The following AKR1C8 variants were observed in gnomAD, a reference collection of about 807,000 sequenced individuals.
AKR1C8 encodes aldo-keto reductase family 1 member C-like protein 1.
At chr10:5,162,420 A>T in the AKR1C8 span, among the ~76,000 whole-genome samples, 3 of 152,238 alleles carry the variant, frequency 2.0e-5, no homozygotes, top group Non-Finnish European at 4.4e-5. Context: ...CTCTGTTTAC[A>T]TATGAAGCAT....
chr10:5,137,683 G>GC, the AKR1C8 span, among the ~76,000 whole-genome samples: 3 of 152,056 alleles, frequency 2.0e-5, no homozygotes, highest in African/African-American at 7.2e-5. Context: ...GGGGCAACTT[G>GC]CCCCCAATAC....
At chr10:5,155,492 C>T in the AKR1C8 span, 9 of 287,892 alleles carry the variant, frequency 3.1e-5, no homozygotes, top group Middle Eastern at 2.4e-3. Flanking sequence ...CTTACAGACA[C>T]ATTTCTGCTG....
At chr10:5,155,548 A>C in the AKR1C8 span, 2 of 337,416 alleles carry the variant, frequency 5.9e-6, no homozygotes, top group Non-Finnish European at 1.2e-5. Flanking sequence ...TGAAGGCTAC[A>C]GGGCATCTCC....
the AKR1C8 span, among the ~76,000 whole-genome samples, chr10:5,140,834 T>TA: frequency 6.9e-6 from 1 of 145,858 alleles, no homozygotes; most frequent in South Asian, 2.1e-4. Flanking sequence ...AAGTATAATT[T>TA]AAAAAAAGAA....
the AKR1C8 span, among the ~76,000 whole-genome samples, chr10:5,127,491 G>A: frequency 2.0e-5 from 3 of 152,052 alleles, no homozygotes; most frequent in Admixed American, 6.6e-5. Flanking sequence ...GGCCAAGCTG[G>A]GTGAATCACT....
the AKR1C8 span, among the ~76,000 whole-genome samples, chr10:5,173,759 T>C: frequency 6.6e-6 from 1 of 151,846 alleles, no homozygotes; most frequent in Admixed American, 6.6e-5. Context: ...TAATGAAAAA[T>C]AATTTTCTTA....
At chr10:5,167,822 T>C in the AKR1C8 span, among the ~76,000 whole-genome samples, 2 of 152,112 alleles carry the variant, frequency 1.3e-5, no homozygotes, top group African/African-American at 2.4e-5. Flanking sequence ...GTAAATTGTA[T>C]AAAAAACACT....
the AKR1C8 span, among the ~76,000 whole-genome samples, chr10:5,138,451 C>T: frequency 6.6e-6 from 1 of 151,976 alleles, no homozygotes; most frequent in Non-Finnish European, 1.5e-5. Flanking sequence ...GGTTGTCTTC[C>T]CTTGTTCCCT....
chr10:5,124,162 A>C, the AKR1C8 span, among the ~76,000 whole-genome samples: 1 of 152,156 alleles, frequency 6.6e-6, no homozygotes, highest in Non-Finnish European at 1.5e-5. Flanking sequence ...GAAAGTAAAA[A>C]TTTCTTCAAA....
chr10:5,156,041 A>C, the AKR1C8 span, among the ~76,000 whole-genome samples: 1 of 152,220 alleles, frequency 6.6e-6, no homozygotes, highest in Admixed American at 6.5e-5. Flanking sequence ...TGCTTGAGGC[A>C]GAAAAAGGAA....
At chr10:5,118,486 C>G in the AKR1C8 span, among the ~76,000 whole-genome samples, 12 of 152,088 alleles carry the variant, frequency 7.9e-5, no homozygotes, top group Non-Finnish European at 1.5e-4. Context: ...ATAATTTACA[C>G]AGAAAGGTGG....
the AKR1C8 span, among the ~76,000 whole-genome samples, chr10:5,159,596 T>A: frequency 6.6e-6 from 1 of 152,004 alleles, no homozygotes; most frequent in Non-Finnish European, 1.5e-5. Context: ...AAGCAATGAC[T>A]CCAAACATCT....
chr10:5,166,609 C>T, the AKR1C8 span, among the ~76,000 whole-genome samples: 1 of 152,142 alleles, frequency 6.6e-6, no homozygotes, highest in Non-Finnish European at 1.5e-5. Context: ...AACTGGATCC[C>T]TTCCTTACAC....
the AKR1C8 span, among the ~76,000 whole-genome samples, chr10:5,177,893 G>A: frequency 1.3e-5 from 2 of 152,054 alleles, no homozygotes; most frequent in African/African-American, 2.4e-5. Context: ...AGTCTGGCTA[G>A]TGGTCTATAA....
chr10:5,118,980 C>T, the AKR1C8 span, among the ~76,000 whole-genome samples: 1 of 151,854 alleles, frequency 6.6e-6, no homozygotes, highest in Non-Finnish European at 1.5e-5. Flanking sequence ...TCAGTGCCCC[C>T]TACTTATCAA....
the AKR1C8 span, among the ~76,000 whole-genome samples, chr10:5,181,319 T>C: frequency 6.6e-6 from 1 of 152,232 alleles, no homozygotes; most frequent in South Asian, 2.1e-4. Context: ...TTCGACTTTC[T>C]TTTGAACAAG....
the AKR1C8 span, among the ~76,000 whole-genome samples, chr10:5,138,890 G>T: frequency 4.3e-4 from 65 of 152,250 alleles, no homozygotes; most frequent in African/African-American, 1.5e-3. Context: ...CAGATGACAT[G>T]ATTATATATC....
chr10:5,184,251 G>T, the AKR1C8 span, among the ~76,000 whole-genome samples: 1 of 151,984 alleles, frequency 6.6e-6, no homozygotes, highest in African/African-American at 2.4e-5. Flanking sequence ...ATCCATCCAG[G>T]CCCCCTCTCT....
chr10:5,122,128 T>C, the AKR1C8 span: 1 of 389,504 alleles, frequency 2.6e-6, no homozygotes, highest in Non-Finnish European at 5.3e-6. Context: ...AGGCTGTCAA[T>C]GGCTTTCATG....
Sources: gnomAD v4.1 joint callset for allele counts (sites outside exome capture counted in the v4.1 genomes callset) on GRCh38, gnomAD v4.1.1 for gene constraint, MANE v1.5 for transcripts, NCBI Gene and HGNC (gene_info 2026-07-23, HGNC 2026-07-21) for gene names.